Variants in ADGRV1 observed in about 807,000 individuals in gnomAD.
The protein encoded by ADGRV1 is adhesion G protein-coupled receptor V1, also known as G-protein coupled receptor 98.
ADGRV1 carries 359 observed loss-of-function variants against 596.2 expected under a neutral mutation model. The ratio of observed to expected loss-of-function variants is 0.60; its 90% CI spans 0.55 to 0.66. The LOEUF is 0.66. Among genes scored for constraint, ADGRV1 ranks in the 30% least tolerant of loss-of-function variants. The probability of loss-of-function intolerance (pLI) is 0.00; values close to 1 mark genes in which losing one functional copy is unlikely to be tolerated. For synonymous variants in ADGRV1, 2,681 were observed against 2,679.2 expected, an observed-to-expected ratio of 1.00 and a Z score of -0.02; for missense variants, 7,274 against 7,575.6, an observed-to-expected ratio of 0.96 and a Z score of 1.48.
At chr5:91,005,150 A>G (rs1227907016) in intron 85 of ADGRV1, among the ~76,000 whole-genome samples, 1 of 152,158 alleles carries the variant, frequency 6.6e-6, no homozygotes, top group East Asian at 1.9e-4. Context: ...TTTCAGAGTA[A>G]ATGCTCAAAA....
intron 83 of ADGRV1, among the ~76,000 whole-genome samples, chr5:90,891,532 A>G (rs1475489839): frequency 6.6e-6 from 1 of 151,048 alleles, no homozygotes; most frequent in African/African-American, 2.5e-5. Flanking sequence ...TATTTGGAGC[A>G]TAATAGGAGC....
At chr5:90,808,768 T>C (rs1206350850) in intron 73 of ADGRV1, among the ~76,000 whole-genome samples, 1 of 151,980 alleles carries the variant, frequency 6.6e-6, no homozygotes, top group Admixed American at 6.5e-5. Flanking sequence ...TGATGGTGCG[T>C]GCCTGTAGTC....
chr5:90,756,297 G>A (rs1421015063), intron 55 of ADGRV1, among the ~76,000 whole-genome samples, 157 bp from the exon 56 acceptor site: 1 of 152,188 alleles, frequency 6.6e-6, no homozygotes, highest in Non-Finnish European at 1.5e-5. Context: ...CAGTGGGAAT[G>A]TATTAAAATA....
At chr5:90,814,417 G>A (rs1762714264) in intron 74 of ADGRV1, among the ~76,000 whole-genome samples, 1 of 152,086 alleles carries the variant, frequency 6.6e-6, no homozygotes, top group African/African-American at 2.4e-5. Flanking sequence ...AGGTTTCAGG[G>A]TGATGGGTAC....
intron 85 of ADGRV1, among the ~76,000 whole-genome samples, chr5:91,002,389 C>T (rs1410152750): frequency 6.6e-6 from 1 of 152,162 alleles, no homozygotes; most frequent in Non-Finnish European, 1.5e-5. Context: ...TCCAGCTTGT[C>T]TGCTATGAAA....
At chr5:90,789,937 A>T in intron 69 of ADGRV1, 86 bp downstream of exon 69, 3 of 996,422 alleles carry the variant, frequency 3.0e-6, no homozygotes, top group Non-Finnish European at 4.0e-6. Flanking sequence ...TGTTCTAGTT[A>T]ATTAAAGTTT....
At chr5:91,126,002 C>T (rs1274284619) in intron 87 of ADGRV1, among the ~76,000 whole-genome samples, 1 of 152,126 alleles carries the variant, frequency 6.6e-6, no homozygotes, top group Non-Finnish European at 1.5e-5. Context: ...CTTTCCATGC[C>T]CACTCTAGTT....
intron 1 of ADGRV1, among the ~76,000 whole-genome samples, chr5:90,583,650 C>CA (rs1383126172): frequency 6.6e-6 from 1 of 152,008 alleles, no homozygotes; most frequent in African/African-American, 2.4e-5. Context: ...ATGATAGCCA[C>CA]AAAAAACATC....
At chr5:90,884,203 G>C (rs1055729420) in intron 83 of ADGRV1, among the ~76,000 whole-genome samples, 11 of 152,072 alleles carry the variant, frequency 7.2e-5, no homozygotes, top group Admixed American at 5.2e-4. Context: ...CGGCATCCCT[G>C]CTCTCTACCA....
intron 83 of ADGRV1, among the ~76,000 whole-genome samples, chr5:90,891,760 G>A (rs1273195815): frequency 5.9e-5 from 9 of 151,832 alleles, no homozygotes; most frequent in Non-Finnish European, 1.5e-5. Flanking sequence ...TAGGTGAAAT[G>A]TTATTGACAA....
chr5:90,944,525 CTG>C (rs1160152600), intron 83 of ADGRV1, among the ~76,000 whole-genome samples: 1 of 152,114 alleles, frequency 6.6e-6, no homozygotes, highest in Non-Finnish European at 1.5e-5. Flanking sequence ...AACACTCATT[CTG>C]TGTTATGTAG....
intron 83 of ADGRV1, among the ~76,000 whole-genome samples, chr5:90,960,124 C>G (rs573933168): frequency 1.2e-3 from 174 of 143,516 alleles, no homozygotes; most frequent in Admixed American, 4.0e-3. Flanking sequence ...GGGTGACAGA[C>G]CGAGACTCAT....
intron 1 of ADGRV1, among the ~76,000 whole-genome samples, chr5:90,584,467 A>T (rs1211171658): frequency 1.3e-5 from 2 of 152,250 alleles, no homozygotes; most frequent in East Asian, 3.8e-4. Flanking sequence ...GACTTAAAAT[A>T]ACCACTTGTT....
intron 82 of ADGRV1, among the ~76,000 whole-genome samples, chr5:90,858,770 C>T (rs1003105976): frequency 4.6e-5 from 7 of 152,172 alleles, no homozygotes; most frequent in African/African-American, 1.7e-4. Context: ...GTGTTGTCAG[C>T]AGCCCAGGCT....
chr5:91,143,921 A>G (rs1380885292), intron 87 of ADGRV1, among the ~76,000 whole-genome samples: 1 of 152,162 alleles, frequency 6.6e-6, no homozygotes, highest in Non-Finnish European at 1.5e-5. Flanking sequence ...GAGGGGGTCA[A>G]GGCAGCAGAG....
At chr5:91,087,574 T>C (rs1300876929) in intron 86 of ADGRV1, among the ~76,000 whole-genome samples, 1 of 152,174 alleles carries the variant, frequency 6.6e-6, no homozygotes, top group Non-Finnish European at 1.5e-5. Flanking sequence ...AGTGAATGTA[T>C]ATAATCATTG....
chr5:91,060,380 A>G (rs12186662), intron 85 of ADGRV1, among the ~76,000 whole-genome samples: 87,871 of 142,472 alleles, frequency 0.62, 26,597 homozygotes, highest in South Asian at 0.68. Context: ...GTGTGTGTGT[A>G]TATATATATA....
intron 85 of ADGRV1, among the ~76,000 whole-genome samples, chr5:91,036,925 C>T (rs1784962754): frequency 6.6e-6 from 1 of 151,952 alleles, no homozygotes; most frequent in Non-Finnish European, 1.5e-5. Flanking sequence ...CTTAGATGAC[C>T]TTTTTGTTGC....
At chr5:90,628,947 G>A in intron 8 of ADGRV1, 115 bp downstream of exon 8, 2 of 962,196 alleles carry the variant, frequency 2.1e-6, no homozygotes, top group East Asian at 2.7e-5. Flanking sequence ...GAAAAACACT[G>A]GCTTTGCAAA....
Sources: allele counts gnomAD v4.1 joint callset (sites outside exome capture counted in the v4.1 genomes callset), GRCh38; gene constraint gnomAD v4.1.1; transcripts MANE v1.5; gene names NCBI Gene and HGNC (gene_info 2026-07-23, HGNC 2026-07-21).